IQCE: variants seen among roughly 807,000 people sequenced by gnomAD.
The protein encoded by IQCE is IQ domain-containing protein E.
In IQCE, 115 loss-of-function variants were observed where a neutral mutation model predicts 96.0. The observed-to-expected ratio is 1.20, with a 90% CI of 1.03 to 1.40. The LOEUF (loss-of-function observed/expected upper bound fraction) is 1.40, where lower values mean the gene tolerates loss of function less well. Ranked by LOEUF, IQCE falls within the 40% of genes most tolerant of loss-of-function variation. The pLI is 0.00. For missense variants in IQCE, 1,041 were observed against 909.1 expected (o/e 1.15, Z -1.87); for synonymous variants, 412 against 371.2 (o/e 1.11, Z -1.26).
chr7:2,595,548 G>A (rs974925063), intron 16 of IQCE, among the ~76,000 whole-genome samples: 5 of 152,194 alleles, frequency 3.3e-5, no homozygotes, highest in African/African-American at 4.8e-5. Flanking sequence ...CTCCCTCAGC[G>A]TGTGTGGACG....
Position 2,584,267 on chromosome 7 carries a change from C to G in IQCE, c.806C>G (p.Ser269Cys). Reference protein sequence around the residue: ...VHRLQTLLASSETTGKKPLGE... With the variant: ...VHRLQTLLASCETTGKKPLGE... Reference sequence around the variant, plus strand: ...CGTCTCCAGACCCTCTTGGCAAGTTCTGAAACCACCGGAAAGAAGTATGAT... The same window carrying G: ...CGTCTCCAGACCCTCTTGGCAAGTTGTGAAACCACCGGAAAGAAGTATGAT... Residue 269 changes from serine (S) to cysteine (C), a missense_variant, in exon 11 of 22, where the codon TCT becomes TGT. By Grantham distance (112) the Ser-to-Cys change is moderately radical (BLOSUM62 -1). Transcript: ENST00000402050. 1 of 1,614,094 alleles carries G rather than the reference C, an allele frequency of 6.2e-7. No homozygotes were observed. The highest frequency in any genetic ancestry group is 8.5e-7 in the Non-Finnish European group (1 of 1,179,934).
intron 16 of IQCE, chr7:2,596,890 G>A: frequency 2.3e-6 from 1 of 443,248 alleles, no homozygotes; most frequent in Non-Finnish European, 4.8e-6. Flanking sequence ...CAAGCAACTT[G>A]TTGCCACAGC....
At chr7:2,592,823 G>A (rs1783712211) in intron 14 of IQCE, among the ~76,000 whole-genome samples, 199 bp from the exon 15 acceptor site, 1 of 152,234 alleles carries the variant, frequency 6.6e-6, no homozygotes, top group South Asian at 2.1e-4. Flanking sequence ...CACAGCAGGT[G>A]CTCGGTTCAG....
intron 2 of IQCE, 35 bp from the exon 3 acceptor site, chr7:2,568,919 T>A: frequency 6.2e-7 from 1 of 1,601,594 alleles, no homozygotes; most frequent in Non-Finnish European, 8.5e-7. Flanking sequence ...CTGTGGGAGC[T>A]CAGCAAGCCT....
At chr7:2,569,389 G>A (rs1349173923) in intron 3 of IQCE, among the ~76,000 whole-genome samples, 1 of 152,178 alleles carries the variant, frequency 6.6e-6, no homozygotes, top group Non-Finnish European at 1.5e-5. Flanking sequence ...CCTGAGAGTC[G>A]AAGTTACTGA....
intron 6 of IQCE, among the ~76,000 whole-genome samples, chr7:2,576,849 T>C (rs1163686016): frequency 6.6e-6 from 1 of 152,252 alleles, no homozygotes; most frequent in African/African-American, 2.4e-5. Context: ...ATGAGTTTTA[T>C]TGATAAAAAT....
chr7:2,604,826 C>T (rs1784673263), intron 18 of IQCE, 55 bp from the exon 19 acceptor site: 1 of 1,325,414 alleles, frequency 7.5e-7, no homozygotes, highest in Non-Finnish European at 1.1e-6. Context: ...CTCTCGCCCG[C>T]CGTTGCCCCG....
At chr7:2,562,738 A>G (rs964651581) in intron 1 of IQCE, among the ~76,000 whole-genome samples, 5 of 149,354 alleles carry the variant, frequency 3.3e-5, no homozygotes, top group Admixed American at 6.7e-5. Context: ...TTTCTATTTC[A>G]TTTATTCACT....
chr7:2,581,064 C>T (rs1310430549), intron 8 of IQCE, among the ~76,000 whole-genome samples: 13 of 151,892 alleles, frequency 8.6e-5, no homozygotes, highest in East Asian at 1.9e-4. Context: ...AGGATGGTCT[C>T]GATCTCCTGA....
rs933177930 is a variant in IQCE, at chr7:2,579,788, G to C, written c.630+1262G>C. 6.3e-4 allele frequency among the ~76,000 whole-genome samples: 95 copies of C among 151,586 alleles called. 1 individual carries two copies. Among genetic ancestry groups the C allele is most frequent in the African/African-American group, 3.2e-4 (13 of 41,232 alleles). On this transcript the variant is annotated intron_variant, in intron 8 of 21. Transcript: ENST00000402050. ...AGACAGGGACTCACTCTGTTGCCCA[G>C]GCTGGCGTGCAGTGGCAGGATCATG...
chr7:2,581,414 C>A (rs1782654455), intron 8 of IQCE, among the ~76,000 whole-genome samples: 1 of 151,996 alleles, frequency 6.6e-6, no homozygotes, highest in Non-Finnish European at 1.5e-5. Context: ...CCATGTTGGC[C>A]AGGCTGGTCT....
chr7:2,610,194 A>G lies in IQCE; in HGVS notation c.*32A>G. On this transcript the variant is annotated 3_prime_UTR_variant, in exon 22 of 22. Coordinates refer to ENST00000402050, the MANE Select transcript of IQCE (RefSeq NM_152558.5). ...GTCACTGTCTCCACGCCGTGATGGC[A>G]GCGCTGCCGAGGACATAGGAACCAC... The G allele has an allele frequency of 2.4e-6, 3 of 1,259,290 alleles. No individual in the cohort carries two copies. Among genetic ancestry groups the G allele is most frequent in the Non-Finnish European group, 3.5e-6 (3 of 855,498 alleles). The allele number at this position is 1,259,290 out of a possible 1,614,324, so 78.0% of individuals were successfully genotyped here. A position where few individuals can be genotyped will look rare whatever the true frequency, so the allele number is the denominator to read the frequency against.
rs551370885 is a variant in IQCE at position 2,560,274 on chromosome 7, G to A, written c.36+1057G>A. Among the ~76,000 whole-genome samples the A allele has an allele frequency of 3.9e-5, 6 of 152,362 alleles. No homozygotes were observed. The South Asian group carries it at 8.3e-4, about 21-fold the overall frequency. ...AAAAAAAAAGAAAGCCCGTTGGGAC[G>A]CGGGCAAGGAGACTGAGCAGAAGAT... On this transcript the variant is annotated intron_variant, in intron 1 of 21. Coordinates refer to ENST00000402050, the MANE Select transcript of IQCE (RefSeq NM_152558.5).
intron 1 of IQCE, among the ~76,000 whole-genome samples, chr7:2,564,507 A>G (rs1583383498): frequency 6.6e-6 from 1 of 151,950 alleles, no homozygotes; most frequent in South Asian, 2.1e-4. Flanking sequence ...CTGAGGCAGG[A>G]GAATCGCTTG....
At chr7:2,566,292 C>CTTT (rs57683972) in intron 1 of IQCE, among the ~76,000 whole-genome samples, 1 of 137,646 alleles carries the variant, frequency 7.3e-6, no homozygotes, top group Admixed American at 7.3e-5. Context: ...AAAAAGCTTC[C>CTTT]TTTTTTTTTT....
intron 18 of IQCE, among the ~76,000 whole-genome samples, chr7:2,602,673 C>G (rs1784514039): frequency 6.6e-6 from 1 of 152,178 alleles, no homozygotes; most frequent in Admixed American, 6.5e-5. Flanking sequence ...CCACCCATGT[C>G]CCCTTCCCCT....
rs922330517 is a variant in IQCE at position 2,594,773 on chromosome 7, G to C, written c.1350-113G>C. On this transcript the variant is annotated intron_variant, in intron 15 of 21. Coordinates refer to ENST00000402050, the MANE Select transcript of IQCE (RefSeq NM_152558.5). The stretch of plus-strand genomic sequence containing the variant: ...ACATGGCCCCACCAGCTCTCTACAG[G>C]CTGCCTGGTGTCCCCCTGTCTCCGC... The C allele has an allele frequency of 5.3e-6, 4 of 760,258 alleles. No individual in the cohort carries two copies. The South Asian group carries it at 5.9e-5, about 11-fold the overall frequency. 47.1% of individuals were successfully genotyped at this position (760,258 alleles called of 1,614,324 possible). A position where few individuals can be genotyped will look rare whatever the true frequency, so the allele number is the denominator to read the frequency against.
At chr7:2,603,527 C>T (rs538609988) in intron 18 of IQCE, among the ~76,000 whole-genome samples, 1 of 152,336 alleles carries the variant, frequency 6.6e-6, no homozygotes, top group East Asian at 1.9e-4. Flanking sequence ...GTAAAGACAG[C>T]AGTGAGGCTG....
intron 2 of IQCE, among the ~76,000 whole-genome samples, chr7:2,568,702 C>T (rs1409098052): frequency 3.3e-5 from 5 of 152,196 alleles, no homozygotes; most frequent in Admixed American, 6.5e-5. Flanking sequence ...GTCAGGAGCC[C>T]GGGCCCGATG....
Sources: gnomAD v4.1 joint callset for allele counts (sites outside exome capture counted in the v4.1 genomes callset) on GRCh38, gnomAD v4.1.1 for gene constraint, MANE v1.5 for transcripts, NCBI Gene and HGNC (gene_info 2026-07-23, HGNC 2026-07-21) for gene names.